The following HMCN1 variants were observed in gnomAD, a reference collection of about 807,000 sequenced individuals.
HMCN1 encodes the protein hemicentin-1.
HMCN1 carries 321 observed loss-of-function variants against 625.9 expected under a neutral mutation model. The observed-to-expected ratio is 0.51, with a 90% CI of 0.47 to 0.56. The LOEUF (loss-of-function observed/expected upper bound fraction) is 0.56. Among genes scored for constraint, HMCN1 ranks in the 20% least tolerant of loss-of-function variants. HMCN1 has a pLI of 0.00. For missense variants in HMCN1, 6,588 were observed against 6,887.3 expected (o/e 0.96, Z 1.54); for synonymous variants, 2,425 against 2,417.6 (o/e 1.00, Z -0.09).
intron 1 of HMCN1, among the ~76,000 whole-genome samples, chr1:185,763,323 G>A (rs1557949282): frequency 6.6e-6 from 1 of 151,994 alleles, no homozygotes; most frequent in South Asian, 2.1e-4. Flanking sequence ...TGGGGTCAAG[G>A]GCTGGCAGGA....
At chr1:186,079,046 G>T (rs116227191) in intron 55 of HMCN1, among the ~76,000 whole-genome samples, 7 of 152,264 alleles carry the variant, frequency 4.6e-5, no homozygotes, top group South Asian at 2.1e-4. Context: ...TCACAGCTAC[G>T]CCATATGTCC....
At chr1:186,166,415 G>T in intron 99 of HMCN1, 112 bp downstream of exon 99, 1 of 1,347,016 alleles carries the variant, frequency 7.4e-7, no homozygotes, top group South Asian at 1.2e-5. Flanking sequence ...CCCACACCTT[G>T]GCAACAAACA....
In HMCN1 at chr1:186,145,817, A is replaced by G. The variant is rs754846610; in HGVS notation, c.14502A>G (p.Glu4834=). ...SQCSASCGGG[E]KTRKRLCDHP... ...GCTCTGCCTCCTGTGGAGGAGGTGA[A>G]AAGACTCGGAAGCGGCTGTGCGACC... The change falls in exon 93 of 107, where the codon GAA becomes GAG. Residue 4834 remains glutamate (E), a synonymous_variant. Transcript: ENST00000271588. The G allele has an allele frequency of 3.1e-6, 5 of 1,614,074 alleles. No homozygotes were observed. The East Asian group carries it at 8.9e-5, about 29-fold the overall frequency.
rs199874061 is a variant in HMCN1 at position 185,989,438 on chromosome 1, GAAAC to G, written c.3049-34_3049-31del. 1.3e-3 allele frequency: 2,136 copies of G among 1,604,074 alleles called. 2 individuals carry two copies. Among genetic ancestry groups the G allele is most frequent in the Non-Finnish European group, 1.7e-3 (1,954 of 1,173,836 alleles). ...GACATTGTCACTCTTTTATAATCTT[GAAAC>G]AAACAAACAAACAAAAAACCCTTTG... is the stretch of plus-strand genomic sequence containing the variant. On this transcript the variant is annotated intron_variant, in intron 20 of 106. Transcript: ENST00000271588.
intron 4 of HMCN1, among the ~76,000 whole-genome samples, chr1:185,870,233 C>A (rs1663525164): frequency 6.6e-6 from 1 of 152,102 alleles, no homozygotes; most frequent in Non-Finnish European, 1.5e-5. Context: ...AGACAAGGAA[C>A]TAAACTATTG....
At chr1:186,006,325 A>G (rs941286170) in intron 29 of HMCN1, among the ~76,000 whole-genome samples, 2 of 152,122 alleles carry the variant, frequency 1.3e-5, no homozygotes, top group African/African-American at 4.8e-5. Flanking sequence ...CTAATTATTC[A>G]TTATGTGGCT....
Position 186,076,447 on chromosome 1 carries a change from ACT to A in HMCN1, c.8313_8314del (p.Trp2772GlyfsTer13). ...NIQVPPSFQK[L>X]WEIGNMLDTG... ...CCATAGTTCCTCCAAGTTTTCAGAA[ACT>A]CTGGGAAATAGGAAACATGCTAGAT... On this transcript the variant is annotated frameshift_variant, in exon 54 of 107. Transcript: ENST00000271588. LOFTEE classifies it high-confidence loss of function. 1 of 1,613,546 alleles carries A rather than the reference ACT, an allele frequency of 6.2e-7. No homozygotes were observed. Among genetic ancestry groups the A allele is most frequent in the Non-Finnish European group, 8.5e-7 (1 of 1,179,724 alleles).
At chr1:186,039,502 C>A (rs942884789) in intron 38 of HMCN1, among the ~76,000 whole-genome samples, 4 of 151,958 alleles carry the variant, frequency 2.6e-5, no homozygotes, top group African/African-American at 9.7e-5. Context: ...ACTGGCAAAA[C>A]TTGTTTTTCC....
chr1:186,144,622 G>A lies in HMCN1; in HGVS notation c.14185G>A (p.Asp4729Asn), dbSNP rs751950564. Residue 4729 changes from aspartate to asparagine, a missense_variant, in exon 91 of 107, where the codon GAC becomes AAC. Around this residue, in one of 3 missense-constraint regions of HMCN1, gnomAD observed 1,954 missense variants for 2,013.1 expected, o/e 0.97. Transcript: ENST00000271588. ...GARQRTRGCS[D>N]PVPQYGGRKC... ...CAGACAGAGAACAAGGGGCTGCTCCGACCCTGTGCCCCAGTATGGAGGAAG... is the reference window on the plus strand; with the variant it reads ...CAGACAGAGAACAAGGGGCTGCTCCAACCCTGTGCCCCAGTATGGAGGAAG... The A allele has an allele frequency of 2.5e-5, 40 of 1,613,986 alleles. No individual in the cohort carries two copies. Among genetic ancestry groups the A allele is most frequent in the Middle Eastern group, 1.6e-4 (1 of 6,084 alleles).
intron 45 of HMCN1, among the ~76,000 whole-genome samples, chr1:186,056,915 T>TA (rs1052615269): frequency 2.0e-5 from 3 of 150,960 alleles, no homozygotes; most frequent in Non-Finnish European, 4.4e-5. Context: ...AAATTGCAAT[T>TA]AAAAAAAAGG....
At chr1:185,811,841 T>A (rs1193945765) in intron 1 of HMCN1, among the ~76,000 whole-genome samples, 1 of 152,212 alleles carries the variant, frequency 6.6e-6, no homozygotes, top group Non-Finnish European at 1.5e-5. Flanking sequence ...TGGACCTTCT[T>A]TCTTGACATT....
chr1:186,013,735 A>G (rs1025889262), intron 30 of HMCN1, among the ~76,000 whole-genome samples: 1 of 152,192 alleles, frequency 6.6e-6, no homozygotes, highest in Non-Finnish European at 1.5e-5. Flanking sequence ...GTGAGGGTAT[A>G]TTGAAGCGAC....
intron 2 of HMCN1, among the ~76,000 whole-genome samples, chr1:185,863,550 G>C (rs1663001745): frequency 6.6e-6 from 1 of 151,996 alleles, no homozygotes; most frequent in Admixed American, 6.6e-5. Flanking sequence ...TCAAACCTGT[G>C]GTTTTAAACA....
At chr1:185,986,191 A>C (rs1232461373) in intron 19 of HMCN1, among the ~76,000 whole-genome samples, 1 of 152,218 alleles carries the variant, frequency 6.6e-6, no homozygotes, top group African/African-American at 2.4e-5. Context: ...AATTATCTAA[A>C]GAGTGAACCC....
At position 186,055,413 on chromosome 1, in the gene HMCN1, A is replaced by G; in HGVS notation, c.6883A>G (p.Ser2295Gly). 2 of 1,612,566 alleles carry G rather than the reference A, an allele frequency of 1.2e-6. No homozygotes were observed. Among genetic ancestry groups the G allele is most frequent in the African/African-American group, 1.3e-5 (1 of 74,944 alleles). Residue 2295 changes from serine to glycine, a missense_variant, in exon 45 of 107, where the codon AGT becomes GGT. By Grantham distance (56) the Ser-to-Gly change is moderately conservative. Transcript: ENST00000271588. ...CTCAGTTAGACCAACCATAACCAAC[A>G]GTGGCAGCCACCCTACTGAAATTAT... is the stretch of plus-strand genomic sequence containing the variant. The part of the protein sequence containing the change: ...QVYIRPTITN[S>G]GSHPTEIIVT...
rs1656072272 is a variant in HMCN1 at position 186,039,584 on chromosome 1, A to G, written c.6029-144A>G. On this transcript the variant is annotated intron_variant, in intron 38 of 106. Coordinates refer to ENST00000271588, the MANE Select transcript of HMCN1 (RefSeq NM_031935.3). ...GGATGGCTGTGATTAGATCTTAAAT[A>G]AGAGAGATGTGAAAGAACTTACCAA... is the stretch of plus-strand genomic sequence containing the variant. 3.8e-6 allele frequency: 3 copies of G among 798,542 alleles called. No homozygotes were observed. In the African/African-American group the frequency reaches 5.1e-5, roughly 14 times the overall value. 49.5% of individuals were successfully genotyped at this position (798,542 alleles called of 1,614,324 possible). A position where few individuals can be genotyped will look rare whatever the true frequency, so the allele number is the denominator to read the frequency against.
At position 185,784,008 on chromosome 1, in the gene HMCN1, G is replaced by A. The variant is rs189547174; in HGVS notation, c.268+48961G>A. On this transcript the variant is annotated intron_variant, in intron 1 of 106. Transcript: ENST00000271588. ...GTGGGCTCCACCCAGTTCCCAGTTC[G>A]AGCTTCCAGTCTGCTTTGTTTACCT... 1.8e-3 allele frequency among the ~76,000 whole-genome samples: 271 copies of A among 152,302 alleles called. 3 individuals are homozygous for A. Among genetic ancestry groups the A allele is most frequent in the East Asian group, 1.2e-3 (6 of 5,178 alleles).
intron 15 of HMCN1, among the ~76,000 whole-genome samples, chr1:185,977,213 A>G (rs1184758226): frequency 3.9e-5 from 6 of 152,066 alleles, no homozygotes; most frequent in African/African-American, 1.4e-4. Flanking sequence ...TTTGATTCGT[A>G]TTATTTATTC....
At chr1:185,812,767 C>T (rs1448130103) in intron 1 of HMCN1, among the ~76,000 whole-genome samples, 1 of 151,912 alleles carries the variant, frequency 6.6e-6, no homozygotes, top group Non-Finnish European at 1.5e-5. Context: ...AATATTGACA[C>T]TTTCTTGGAA....
Sources: gnomAD v4.1 joint callset for allele counts (sites outside exome capture counted in the v4.1 genomes callset) on GRCh38, gnomAD v4.1.1 for gene constraint, gnomAD v4.1.1 regional missense constraint, MANE v1.5 for transcripts, NCBI Gene and HGNC (gene_info 2026-07-23, HGNC 2026-07-21) for gene names.